Variants in PDE6D observed in about 807,000 individuals in gnomAD.
The protein encoded by PDE6D is phosphodiesterase 6D, also known as retinal rod rhodopsin-sensitive cGMP 3',5'-cyclic phosphodiesterase subunit delta.
PDE6D carries 10 observed loss-of-function variants against 21.9 expected under a neutral mutation model. That is an observed-to-expected ratio of 0.46 (90% CI 0.28 to 0.78). The LOEUF (loss-of-function observed/expected upper bound fraction) is 0.78, where lower values mean the gene tolerates loss of function less well. Ranked by LOEUF, PDE6D falls within the 30% of genes least tolerant of loss-of-function variation. PDE6D has a pLI of 0.12. For synonymous variants in PDE6D, 59 were observed against 63.5 expected, an observed-to-expected ratio of 0.93 and a Z score of 0.34; for missense variants, 139 against 184.8, an observed-to-expected ratio of 0.75 and a Z score of 1.44.
intron 1 of PDE6D, among the ~76,000 whole-genome samples, chr2:231,780,435 G>A (rs566412568): frequency 1.3e-5 from 2 of 152,194 alleles, no homozygotes; most frequent in African/African-American, 4.8e-5. Flanking sequence ...GTTAAGACGA[G>A]GTCGATCTTG....
At chr2:231,780,937 T>C (rs2049114427) in intron 1 of PDE6D, 128 bp downstream of exon 1, 2 of 845,136 alleles carry the variant, frequency 2.4e-6, no homozygotes, top group Non-Finnish European at 3.8e-6. Flanking sequence ...CGCTGTTCCT[T>C]TCCTCTCCCC....
At chr2:231,761,178 T>A (rs553309525) in intron 1 of PDE6D, among the ~76,000 whole-genome samples, 1 of 152,188 alleles carries the variant, frequency 6.6e-6, no homozygotes, top group East Asian at 1.9e-4. Context: ...AATCAATAAT[T>A]CTTTTTTTTT....
At chr2:231,734,007 T>C (rs2048672735) in intron 4 of PDE6D, among the ~76,000 whole-genome samples, 2 of 151,916 alleles carry the variant, frequency 1.3e-5, no homozygotes, top group East Asian at 3.9e-4. Flanking sequence ...GGTCAGGAGA[T>C]TGAGACCATC....
chr2:231,733,769 T>C (rs2048670819), intron 4 of PDE6D, among the ~76,000 whole-genome samples: 1 of 152,066 alleles, frequency 6.6e-6, no homozygotes, highest in Admixed American at 6.6e-5. Flanking sequence ...TACAGAACAC[T>C]AAATGATGCA....
At chr2:231,738,919 CAAAAAAAAAAAA>C (rs1157734125) in intron 2 of PDE6D, among the ~76,000 whole-genome samples, 169 bp downstream of exon 2, 24 of 62,658 alleles carry the variant, frequency 3.8e-4, no homozygotes, top group African/African-American at 1.6e-3. Context: ...GACTGTGTCT[CAAAAAAAAAAAA>C]AAAAAAAAAA....
chr2:231,745,840 G>A (rs1210769415), intron 1 of PDE6D, among the ~76,000 whole-genome samples: 1 of 152,146 alleles, frequency 6.6e-6, no homozygotes, highest in African/African-American at 2.4e-5. Context: ...GTGCAGTCTG[G>A]TGCTGGAGCT....
chr2:231,751,770 A>G (rs1172601305), intron 1 of PDE6D, among the ~76,000 whole-genome samples: 1 of 152,238 alleles, frequency 6.6e-6, no homozygotes, highest in Non-Finnish European at 1.5e-5. Context: ...AATATCAAGG[A>G]TACATGCTAT....
chr2:231,765,037 G>C (rs1341819047), intron 1 of PDE6D, among the ~76,000 whole-genome samples: 1 of 151,180 alleles, frequency 6.6e-6, no homozygotes, highest in Non-Finnish European at 1.5e-5. Context: ...AAAGCAGGAA[G>C]ACTGCTTGAG....
At chr2:231,740,140 G>A (rs949807052) in intron 1 of PDE6D, among the ~76,000 whole-genome samples, 3 of 152,030 alleles carry the variant, frequency 2.0e-5, no homozygotes, top group Non-Finnish European at 4.4e-5. Context: ...TCTGGTTTGA[G>A]GTTACAACTT....
chr2:231,737,154 C>T (rs370932808), intron 4 of PDE6D, 33 bp downstream of exon 4: 40 of 1,287,548 alleles, frequency 3.1e-5, no homozygotes, highest in Non-Finnish European at 4.4e-5. Flanking sequence ...TTTCTAGACA[C>T]ACTTCATAAT....
intron 1 of PDE6D, among the ~76,000 whole-genome samples, chr2:231,772,086 C>A (rs566571424): frequency 6.6e-6 from 1 of 152,258 alleles, no homozygotes; most frequent in Non-Finnish European, 1.5e-5. Context: ...TCTTGTACTT[C>A]CTCTGAGAGC....
At chr2:231,734,522 ACATTT>A (rs2048680053) in intron 4 of PDE6D, among the ~76,000 whole-genome samples, 1 of 151,822 alleles carries the variant, frequency 6.6e-6, no homozygotes. Flanking sequence ...ACCAGCAGAT[ACATTT>A]CTGCTGGTAA....
chr2:231,740,968 A>G (rs958482688), intron 1 of PDE6D, among the ~76,000 whole-genome samples: 2 of 151,448 alleles, frequency 1.3e-5, no homozygotes, highest in African/African-American at 4.9e-5. Context: ...GAGAAACCCC[A>G]TCTCTACCGA....
In PDE6D at chr2:231,739,224, A is replaced by ATCGG; in HGVS notation, c.51-37_51-36insCCGA. ...ATGACTAAGGAAAAATAAGGCACTGAAAGTGACTCCCACTTTGTATTCTAG... is the reference window on the plus strand; with the variant it reads ...ATGACTAAGGAAAAATAAGGCACTGATCGGAAGTGACTCCCACTTTGTATTCTAG... On this transcript the variant is annotated intron_variant, in intron 1 of 4. Coordinates refer to ENST00000287600, the MANE Select transcript of PDE6D (RefSeq NM_002601.4). This position sits in a 1 kb window ranked among gnomAD's most constrained non-coding sequence, Gnocchi z 4.2. 7.9e-7 allele frequency: 1 copy of ATCGG among 1,266,956 alleles called. No individual in the cohort carries two copies. The highest frequency in any genetic ancestry group is 1.2e-6 in the Non-Finnish European group (1 of 863,232). 78.5% of individuals were successfully genotyped at this position (1,266,956 alleles called of 1,614,324 possible). A position where few individuals can be genotyped will look rare whatever the true frequency, so the allele number is the denominator to read the frequency against.
chr2:231,738,111 C>G lies in PDE6D; in HGVS notation c.167G>C (p.Cys56Ser). 6.2e-7 allele frequency: 1 copy of G among 1,613,030 alleles called. No individual in the cohort carries two copies. Among genetic ancestry groups the G allele is most frequent in the Non-Finnish European group, 8.5e-7 (1 of 1,179,572 alleles). Reference protein sequence around the residue: ...EARVPKKILKCKAVSRELNFS... With the variant: ...EARVPKKILKSKAVSRELNFS... ...ATTAAGTTCTCGAGACACTGCCTTG[C>G]ACTTGAGGATTTTCTTGGGAACACG... Residue 56 changes from cysteine to serine, a missense_variant, in exon 3 of 5, where the codon TGC (cysteine) becomes TCC (serine). Coordinates refer to ENST00000287600, the MANE Select transcript of PDE6D (RefSeq NM_002601.4).
At chr2:231,779,468 A>C (rs954106768) in intron 1 of PDE6D, 2 of 141,300 alleles carry the variant, frequency 1.4e-5, no homozygotes, top group African/African-American at 2.5e-5. Context: ...TTGCTTCTGA[A>C]ATCTCTCAAT....
chr2:231,736,299 A>C (rs2048701970), intron 4 of PDE6D, among the ~76,000 whole-genome samples: 1 of 151,952 alleles, frequency 6.6e-6, no homozygotes, highest in Admixed American at 6.6e-5. Flanking sequence ...CCAATATTAC[A>C]CAATTATCTG....
intron 1 of PDE6D, among the ~76,000 whole-genome samples, chr2:231,758,065 TCTC>T (rs1398697887): frequency 1.3e-5 from 2 of 152,210 alleles, no homozygotes; most frequent in Non-Finnish European, 2.9e-5. Context: ...CACATATACT[TCTC>T]CCCAATAAAT....
chr2:231,755,521 G>A (rs2048876111), intron 1 of PDE6D, among the ~76,000 whole-genome samples: 1 of 152,102 alleles, frequency 6.6e-6, no homozygotes, highest in South Asian at 2.1e-4. Flanking sequence ...GAGGTCAGGA[G>A]TTCAAGATCA....
Sources: allele counts gnomAD v4.1 joint callset (sites outside exome capture counted in the v4.1 genomes callset), GRCh38; gene constraint gnomAD v4.1.1; non-coding constraint Gnocchi (gnomAD v3.1); transcripts MANE v1.5; gene names NCBI Gene and HGNC (gene_info 2026-07-23, HGNC 2026-07-21).